ANK1: variants seen among roughly 807,000 people sequenced by gnomAD.
ANK1 encodes the protein ankyrin-1.
Under a neutral mutation model 210.4 loss-of-function variants are expected in ANK1, and 51 were observed. The observed-to-expected ratio is 0.24, with a 90% CI of 0.19 to 0.31. The LOEUF is 0.31. Among genes scored for constraint, ANK1 ranks in the 10% least tolerant of loss-of-function variants. The pLI, the probability that ANK1 is intolerant of heterozygous loss-of-function variation, is 1.00. For missense variants in ANK1, 2,051 were observed against 2,504.4 expected, an observed-to-expected ratio of 0.82 and a Z score of 3.86; for synonymous variants, 967 against 1,025.9, an observed-to-expected ratio of 0.94 and a Z score of 1.10.
At chr8:41,852,304 C>T (rs1035224729) in intron 1 of ANK1, among the ~76,000 whole-genome samples, 15 of 152,208 alleles carry the variant, frequency 9.9e-5, no homozygotes, top group Non-Finnish European at 1.6e-4. Context: ...CGCCCTAAGA[C>T]GTGGCCCCTG....
intron 1 of ANK1, among the ~76,000 whole-genome samples, chr8:41,779,348 A>G (rs1181827885): frequency 6.6e-6 from 1 of 152,126 alleles, no homozygotes; most frequent in Admixed American, 6.5e-5. Context: ...CCTGGGCTCA[A>G]GAGGGCCTTC....
At chr8:41,665,008 T>A (rs1400842522) in intron 39 of ANK1, 1 of 1,613,890 alleles carries the variant, frequency 6.2e-7, no homozygotes, top group Admixed American at 1.7e-5. Context: ...AACAGCTGGG[T>A]GACGAAAGTC....
chr8:41,781,064 C>T (rs1448554910), intron 1 of ANK1, among the ~76,000 whole-genome samples: 3 of 152,156 alleles, frequency 2.0e-5, no homozygotes, highest in South Asian at 4.1e-4. Context: ...TAAAGAGAAA[C>T]GTCTCTGCCT....
rs1819618064 is a variant in ANK1, at chr8:41,692,716, C to T, written c.3790G>A (p.Asp1264Asn). The change falls in exon 31 of 43, where the codon GAT (aspartate) becomes AAT (asparagine). Residue 1264 changes from aspartate to asparagine, a missense_variant. Asp to Asn is a conservative substitution (Grantham distance 23, BLOSUM62 1). This residue lies in a region of ANK1 where 1,413 missense variants were observed against 1,707.4 expected (regional missense o/e 0.83). Transcript: ENST00000289734. ...TGCTCCAGGGTCTTGTCCACTTTATCATCTGTCATGCAGTAGCAGCGCAGG... is the reference window on the plus strand; with the variant it reads ...TGCTCCAGGGTCTTGTCCACTTTATTATCTGTCATGCAGTAGCAGCGCAGG... Reference protein sequence around the residue: ...GRLRCYCMTDDKVDKTLEQHE... With the variant: ...GRLRCYCMTDNKVDKTLEQHE... The T allele has an allele frequency of 6.2e-7, 1 of 1,613,932 alleles. No homozygotes were observed. Among genetic ancestry groups the T allele is most frequent in the Admixed American group, 1.7e-5 (1 of 60,006 alleles).
At chr8:41,695,104 A>G (rs1820468811) in intron 27 of ANK1, 73 bp downstream of exon 27, 2 of 1,589,466 alleles carry the variant, frequency 1.3e-6, no homozygotes, top group Admixed American at 1.7e-5. Flanking sequence ...GCCCTCAAAG[A>G]CCACCTTTAA....
intron 1 of ANK1, among the ~76,000 whole-genome samples, chr8:41,844,780 G>A (rs994694205): frequency 2.0e-5 from 3 of 152,154 alleles, no homozygotes; most frequent in African/African-American, 7.2e-5. Flanking sequence ...TTAATGAAAT[G>A]GTCCTTTCAG....
rs546021160 is a variant in ANK1, at chr8:41,753,760, G to C, written c.129+4276C>G. Among the ~76,000 whole-genome samples the C allele has an allele frequency of 8.8e-5, 12 of 136,308 alleles. No individual in the cohort carries two copies. In the South Asian group the frequency reaches 1.8e-3, roughly 21 times the overall value. 89.4% of individuals were successfully genotyped at this position (136,308 alleles called of 152,430 possible). ...TTTACGTCCCTGTCTCTGTCGCTGAGTGTTGTGACTCTCGCCCCTACCTGT... is the reference window on the plus strand; with the variant it reads ...TTTACGTCCCTGTCTCTGTCGCTGACTGTTGTGACTCTCGCCCCTACCTGT... On this transcript the variant is annotated intron_variant, in intron 2 of 42. Transcript: ENST00000289734.
intron 20 of ANK1, among the ~76,000 whole-genome samples, chr8:41,702,699 A>C (rs1167870656): frequency 1.3e-5 from 2 of 152,246 alleles, no homozygotes; most frequent in Non-Finnish European, 2.9e-5. Flanking sequence ...CGTGATCATA[A>C]ATGGATACTG....
chr8:41,700,554 C>G, intron 22 of ANK1: 3 of 1,236,618 alleles, frequency 2.4e-6, no homozygotes, highest in Non-Finnish European at 1.2e-6. Context: ...AGCTCTGCTT[C>G]TCTAGTTGAC....
intron 1 of ANK1, among the ~76,000 whole-genome samples, chr8:41,822,146 GAAAGAA>G (rs1342964072): frequency 4.8e-4 from 18 of 37,442 alleles, no homozygotes; most frequent in African/African-American, 1.4e-3. Flanking sequence ...AAGAAAGAAA[GAAAGAA>G]AGAAAGAAAG....
At chr8:41,771,474 G>A (rs868785190) in intron 1 of ANK1, among the ~76,000 whole-genome samples, 5 of 152,196 alleles carry the variant, frequency 3.3e-5, no homozygotes, top group African/African-American at 1.2e-4. Flanking sequence ...AAGGCTGCAC[G>A]TTTTAACGTA....
chr8:41,746,769 G>C (rs531251200), intron 2 of ANK1, among the ~76,000 whole-genome samples: 1 of 151,520 alleles, frequency 6.6e-6, no homozygotes, highest in Non-Finnish European at 1.5e-5. Context: ...GTGTGAGCTC[G>C]AGTTAATGAG....
At chr8:41,786,249 G>C (rs919908839) in intron 1 of ANK1, among the ~76,000 whole-genome samples, 1 of 152,206 alleles carries the variant, frequency 6.6e-6, no homozygotes, top group Admixed American at 6.5e-5. Flanking sequence ...CATCTCAGAG[G>C]GGGGCTCCCT....
chr8:41,761,352 CACAT>C (rs1282491548), intron 1 of ANK1, among the ~76,000 whole-genome samples: 1 of 140,668 alleles, frequency 7.1e-6, no homozygotes, highest in Non-Finnish European at 1.6e-5. Context: ...CATACACATG[CACAT>C]ACAGAGACCT....
intron 1 of ANK1, among the ~76,000 whole-genome samples, chr8:41,850,545 A>G (rs1811050905): frequency 6.6e-6 from 1 of 152,208 alleles, no homozygotes; most frequent in African/African-American, 2.4e-5. Flanking sequence ...CAGTGGTGCA[A>G]TCATAGCTCA....
At chr8:41,780,610 T>A (rs893592126) in intron 1 of ANK1, among the ~76,000 whole-genome samples, 2 of 151,982 alleles carry the variant, frequency 1.3e-5, no homozygotes, top group Non-Finnish European at 2.9e-5. Context: ...GTTCCTGGAG[T>A]CTGAGGCCTT....
Position 41,791,464 on chromosome 8 carries a change from C to T in ANK1, c.27+6048G>A, listed in dbSNP as rs550271219. On this transcript the variant is annotated intron_variant, in intron 1 of 42. Coordinates refer to ENST00000289734, the MANE Select transcript of ANK1 (RefSeq NM_000037.4). Reference sequence around the variant, plus strand: ...CTTTCTTTCTTTTTTTTTTTTTGAACGGAGACTTGCTCTGTCTCCAGGCTA... The same window carrying T: ...CTTTCTTTCTTTTTTTTTTTTTGAATGGAGACTTGCTCTGTCTCCAGGCTA... Among the ~76,000 whole-genome samples, 7 of 145,336 alleles carry T rather than the reference C, an allele frequency of 4.8e-5. No homozygotes were observed. The South Asian group carries it at 8.7e-4, about 18-fold the overall frequency.
rs373559819 is a variant in ANK1, at chr8:41,690,218, C to G, written c.4104+9G>C. On this transcript the variant is annotated intron_variant, in intron 33 of 42. Coordinates refer to ENST00000289734, the MANE Select transcript of ANK1 (RefSeq NM_000037.4). ...TCGGGCCAAGGCTCCTCGGCAGGTG[C>G]CAGCTCACCTTGGCGCAGGGGGGCA... The G allele has an allele frequency of 4.5e-5, 73 of 1,613,890 alleles. No individual in the cohort carries two copies. Among genetic ancestry groups the G allele is most frequent in the Non-Finnish European group, 6.0e-5 (71 of 1,180,056 alleles).
intron 2 of ANK1, among the ~76,000 whole-genome samples, chr8:41,745,742 A>G (rs950442368): frequency 3.9e-5 from 6 of 152,160 alleles, no homozygotes; most frequent in African/African-American, 1.2e-4. Context: ...TATGTTGCCC[A>G]GGCTGGAGTA....
Sources: allele counts gnomAD v4.1 joint callset (sites outside exome capture counted in the v4.1 genomes callset), GRCh38; gene constraint gnomAD v4.1.1; regional missense constraint gnomAD v4.1.1; transcripts MANE v1.5; gene names NCBI Gene and HGNC (gene_info 2026-07-23, HGNC 2026-07-21).